Variants in TXLNB observed in about 807,000 individuals in gnomAD.
The protein encoded by TXLNB is taxilin beta, also known as beta-taxilin.
In TXLNB, 37 loss-of-function variants were observed where a neutral mutation model predicts 57.4. The observed-to-expected ratio is 0.64, with a 90% CI of 0.50 to 0.85. The LOEUF (loss-of-function observed/expected upper bound fraction) is 0.85, where lower values mean the gene tolerates loss of function less well. TXLNB is among the 40% of genes least tolerant of loss of function. The pLI is 0.00. For missense variants in TXLNB, 848 were observed against 825.6 expected, an observed-to-expected ratio of 1.03 and a Z score of -0.33; for synonymous variants, 302 against 309.6, an observed-to-expected ratio of 0.98 and a Z score of 0.26.
intron 6 of TXLNB, among the ~76,000 whole-genome samples, chr6:139,257,585 G>A (rs1017773821): frequency 2.6e-5 from 4 of 152,114 alleles, no homozygotes; most frequent in Non-Finnish European, 5.9e-5. Context: ...TGTGGGCATC[G>A]GTCAGTGCGT....
At chr6:139,314,046 T>C in the TXLNB span, among the ~76,000 whole-genome samples, 1 of 152,186 alleles carries the variant, frequency 6.6e-6, no homozygotes, top group Non-Finnish European at 1.5e-5. Context: ...GACCCGAGTA[T>C]AGCATCATGT....
chr6:139,221,601 G>A, the TXLNB span, among the ~76,000 whole-genome samples: 7 of 152,004 alleles, frequency 4.6e-5, no homozygotes, highest in African/African-American at 1.7e-4. Context: ...TGCAATGATC[G>A]GACGTGGAGT....
At chr6:139,307,025 T>G in the TXLNB span, among the ~76,000 whole-genome samples, 1 of 152,204 alleles carries the variant, frequency 6.6e-6, no homozygotes, top group African/African-American at 2.4e-5. Flanking sequence ...CAGCTTATTG[T>G]GACATTTTGG....
At chr6:139,172,605 G>T in the TXLNB span, among the ~76,000 whole-genome samples, 2 of 152,246 alleles carry the variant, frequency 1.3e-5, no homozygotes, top group South Asian at 4.2e-4. Flanking sequence ...AATTCACAAA[G>T]GGTTTAGAAA....
At chr6:139,166,064 T>C in the TXLNB span, 3 of 481,578 alleles carry the variant, frequency 6.2e-6, no homozygotes, top group Non-Finnish European at 1.1e-5. Context: ...ATGAAGGGCG[T>C]TGAAGGTCCT....
chr6:139,209,289 G>T, the TXLNB span, among the ~76,000 whole-genome samples: 1 of 152,178 alleles, frequency 6.6e-6, no homozygotes, highest in East Asian at 1.9e-4. Context: ...ACTGCGGAAA[G>T]AAATCATAGA....
the TXLNB span, among the ~76,000 whole-genome samples, chr6:139,310,094 A>G: frequency 6.4e-4 from 97 of 152,318 alleles, no homozygotes; most frequent in African/African-American, 2.2e-3. Flanking sequence ...TATCACACCA[A>G]AAGTTCAGGT....
chr6:139,265,641 G>T (rs961815485), intron 4 of TXLNB, among the ~76,000 whole-genome samples: 1 of 152,224 alleles, frequency 6.6e-6, no homozygotes, highest in African/African-American at 2.4e-5. Flanking sequence ...CTCATATCAA[G>T]TTGACCCTTT....
At chr6:139,263,039 TG>T (rs1288995536) in intron 4 of TXLNB, among the ~76,000 whole-genome samples, 11 of 152,356 alleles carry the variant, frequency 7.2e-5, no homozygotes, top group African/African-American at 2.6e-4. Flanking sequence ...CGTCTCTTGC[TG>T]AGTGAATGAA....
At chr6:139,176,638 C>T in the TXLNB span, among the ~76,000 whole-genome samples, 1 of 152,190 alleles carries the variant, frequency 6.6e-6, no homozygotes, top group East Asian at 1.9e-4. This position sits in a 1 kb window ranked among gnomAD's most constrained non-coding sequence, Gnocchi z 4.5. Context: ...GGGAAGTCAG[C>T]TTCAGCCGCT....
the TXLNB span, among the ~76,000 whole-genome samples, chr6:139,302,549 AGGT>A: frequency 6.6e-6 from 1 of 150,516 alleles, no homozygotes; most frequent in East Asian, 1.9e-4. Flanking sequence ...GGATTGCCTG[AGGT>A]CAGGAGTTTG....
intron 5 of TXLNB, among the ~76,000 whole-genome samples, chr6:139,261,833 C>A (rs1001276719): frequency 6.6e-6 from 1 of 150,840 alleles, no homozygotes; most frequent in African/African-American, 2.4e-5. Flanking sequence ...TAAATGATAT[C>A]ATTATTATTA....
chr6:139,266,398 C>G (rs1483077129), intron 4 of TXLNB, among the ~76,000 whole-genome samples: 1 of 151,690 alleles, frequency 6.6e-6, no homozygotes, highest in South Asian at 2.1e-4. Context: ...AGGTTACATA[C>G]AAAAAAAGAA....
chr6:139,165,571 C>T, the TXLNB span, among the ~76,000 whole-genome samples: 2 of 151,640 alleles, frequency 1.3e-5, no homozygotes, highest in Non-Finnish European at 2.9e-5. Context: ...TCCCCCACCC[C>T]CTGTGGCAAC....
chr6:139,216,789 C>T, the TXLNB span, among the ~76,000 whole-genome samples: 4 of 152,098 alleles, frequency 2.6e-5, no homozygotes, highest in Admixed American at 6.6e-5. Context: ...ATCATATGTT[C>T]TCATTTATAA....
chr6:139,254,645 C>CT (rs1463305782), intron 7 of TXLNB, among the ~76,000 whole-genome samples: 1 of 152,038 alleles, frequency 6.6e-6, no homozygotes, highest in Admixed American at 6.6e-5. Flanking sequence ...ATGGTCCCCC[C>CT]TTTTTTTGAG....
the TXLNB span, chr6:139,167,237 G>A: frequency 7.4e-6 from 12 of 1,614,122 alleles, no homozygotes; most frequent in South Asian, 1.1e-5. Context: ...CCCGGTGTTC[G>A]AACAGTTCCC....
At chr6:139,163,709 A>G in the TXLNB span, among the ~76,000 whole-genome samples, 1 of 151,994 alleles carries the variant, frequency 6.6e-6, no homozygotes, top group Non-Finnish European at 1.5e-5. Context: ...TTCTGAGTTC[A>G]TTTCTTACCA....
At chr6:139,317,835 C>T in the TXLNB span, among the ~76,000 whole-genome samples, 1 of 152,144 alleles carries the variant, frequency 6.6e-6, no homozygotes, top group South Asian at 2.1e-4. Context: ...AAGATCTCAT[C>T]AGATGACTGA....
Sources: allele counts gnomAD v4.1 joint callset (sites outside exome capture counted in the v4.1 genomes callset), GRCh38; gene constraint gnomAD v4.1.1; non-coding constraint Gnocchi (gnomAD v3.1); transcripts MANE v1.5; gene names NCBI Gene and HGNC (gene_info 2026-07-23, HGNC 2026-07-21).